Variants in ABCA13 observed in about 807,000 individuals in gnomAD.
ABCA13 encodes the protein ATP-binding cassette sub-family A member 13.
In ABCA13, 476 loss-of-function variants were observed where a neutral mutation model predicts 478.7. That is an observed-to-expected ratio of 0.99 (90% CI 0.92 to 1.07). The LOEUF (loss-of-function observed/expected upper bound fraction) is 1.07, where lower values mean the gene tolerates loss of function less well. Among genes scored for constraint, ABCA13 ranks in the 50% least tolerant of loss-of-function variants. The pLI, the probability that ABCA13 is intolerant of heterozygous loss-of-function variation, is 0.00. For missense variants in ABCA13, 6,060 were observed against 5,910.6 expected, an observed-to-expected ratio of 1.03 and a Z score of -0.83; for synonymous variants, 2,252 against 2,158.9, an observed-to-expected ratio of 1.04 and a Z score of -1.20.
In ABCA13 at chr7:48,352,178, T is replaced by G. The variant is rs1279646629; in HGVS notation, c.10382-3T>G. 1 of 1,601,050 alleles carries G rather than the reference T, an allele frequency of 6.2e-7. No homozygotes were observed. The highest frequency in any genetic ancestry group is 8.5e-7 in the Non-Finnish European group (1 of 1,170,544). Reference sequence around the variant, plus strand: ...TGCTTCGTTTTTCCTTTTCTGCCACTAGGTATCATTTTCAGCAATTCCTTA... The same window carrying G: ...TGCTTCGTTTTTCCTTTTCTGCCACGAGGTATCATTTTCAGCAATTCCTTA... On this transcript the variant is annotated splice_region_variant and splice_polypyrimidine_tract_variant and intron_variant, in intron 30 of 61. Coordinates refer to ENST00000435803, the MANE Select transcript of ABCA13 (RefSeq NM_152701.5).
At chr7:48,218,419 C>G (rs1786815819) in intron 3 of ABCA13, among the ~76,000 whole-genome samples, 1 of 152,174 alleles carries the variant, frequency 6.6e-6, no homozygotes, top group African/African-American at 2.4e-5. Context: ...CATGGTGGTT[C>G]ATGCCTGTAA....
intron 23 of ABCA13, among the ~76,000 whole-genome samples, chr7:48,300,863 A>T (rs1283820864): frequency 6.6e-6 from 1 of 152,130 alleles, no homozygotes; most frequent in Non-Finnish European, 1.5e-5. Context: ...CATCCTGTCC[A>T]CCTGCCCTGT....
At chr7:48,367,937 A>C (rs944737798) in intron 32 of ABCA13, 29 bp downstream of exon 32, 2 of 1,518,980 alleles carry the variant, frequency 1.3e-6, no homozygotes. Context: ...TGCCTGGGAG[A>C]CAAAGATAGG....
In ABCA13 at chr7:48,580,302, G is replaced by A. The variant is rs759996749; in HGVS notation, c.14433G>A (p.Glu4811=). The change falls in exon 56 of 62, where the codon GAG becomes GAA. Residue 4811 remains glutamate (E), a synonymous_variant. Coordinates refer to ENST00000435803, the MANE Select transcript of ABCA13 (RefSeq NM_152701.5). The part of the protein sequence containing the change: ...GYCPQQDALD[E]LLTGWEHLYY... Reference sequence around the variant, plus strand: ...GTCCCCAGCAGGATGCCCTGGACGAGCTTCTGACTGGTTGGGAACATCTCT... The same window carrying A: ...GTCCCCAGCAGGATGCCCTGGACGAACTTCTGACTGGTTGGGAACATCTCT... 1.1e-5 allele frequency: 17 copies of A among 1,612,920 alleles called. No homozygotes were observed. The highest frequency in any genetic ancestry group is 1.4e-5 in the Non-Finnish European group (17 of 1,179,476).
At chr7:48,237,613 C>T (rs916334711) in intron 8 of ABCA13, among the ~76,000 whole-genome samples, 10 of 152,188 alleles carry the variant, frequency 6.6e-5, no homozygotes, top group Admixed American at 6.5e-4. Flanking sequence ...GAGCCTAGGC[C>T]CTCCCTGGGG....
At position 48,594,756 on chromosome 7, in the gene ABCA13, G is replaced by C; in HGVS notation, c.14687G>C (p.Trp4896Ser). The C allele has an allele frequency of 6.2e-7, 1 of 1,613,940 alleles. No homozygotes were observed. Among genetic ancestry groups the C allele is most frequent in the Non-Finnish European group, 8.5e-7 (1 of 1,179,836 alleles). The change falls in exon 58 of 62, where the codon TGG becomes TCG. Residue 4896 changes from tryptophan to serine, a missense_variant. Physicochemically the swap from Trp to Ser is radical, Grantham distance 177. This residue lies in a region of ABCA13 where 1,627 missense variants were observed against 1,571.0 expected (regional missense o/e 1.04). Transcript: ENST00000435803. The stretch of plus-strand genomic sequence containing the variant: ...GATCCCTGCTCTAAGCGGTACCTGT[G>C]GCAAACAATAATGAAGGAGGTTCGG... ...GMDPCSKRYLWQTIMKEVREG... is the reference protein window; with the variant it reads ...GMDPCSKRYLSQTIMKEVREG...
chr7:48,314,248 A>G lies in ABCA13; in HGVS notation c.9698A>G (p.Gln3233Arg), dbSNP rs571185108. ...LDFQQVSQNV[Q>R]ARSSAFGSFQ... ...TTTTCTCAGGTTTCACAAAATGTCCAGGCCAGAAGTTCAGCTTTTGGTTCT... is the reference window on the plus strand; with the variant it reads ...TTTTCTCAGGTTTCACAAAATGTCCGGGCCAGAAGTTCAGCTTTTGGTTCT... Residue 3233 changes from glutamine (Q) to arginine (R), a missense_variant, in exon 26 of 62, where the codon CAG becomes CGG. By Grantham distance (43) the Gln-to-Arg change is conservative (BLOSUM62 1). This residue lies in a region of ABCA13 where 4,423 missense variants were observed against 4,309.1 expected (regional missense o/e 1.03). Coordinates refer to ENST00000435803, the MANE Select transcript of ABCA13 (RefSeq NM_152701.5). 6.2e-7 allele frequency: 1 copy of G among 1,611,592 alleles called. No individual in the cohort carries two copies. The highest frequency in any genetic ancestry group is 8.5e-7 in the Non-Finnish European group (1 of 1,179,432).
chr7:48,354,764 T>C (rs1249706207), intron 31 of ABCA13, among the ~76,000 whole-genome samples: 1 of 152,048 alleles, frequency 6.6e-6, no homozygotes, highest in African/African-American at 2.4e-5. Flanking sequence ...CTTTTATCTC[T>C]TGTTTCGAAG....
At chr7:48,334,568 C>T (rs1464947024) in intron 27 of ABCA13, among the ~76,000 whole-genome samples, 2 of 152,192 alleles carry the variant, frequency 1.3e-5, no homozygotes, top group African/African-American at 2.4e-5. Context: ...ATCTCCTGAC[C>T]TCATGAGCCA....
intron 11 of ABCA13, 96 bp from the exon 12 acceptor site, chr7:48,245,416 C>A: frequency 2.2e-6 from 2 of 923,408 alleles, no homozygotes; most frequent in Non-Finnish European, 1.6e-6. Flanking sequence ...TTAAAAAATC[C>A]ATGTTTTCAG....
At chr7:48,607,880 CTTATTTTTTATTT>C (rs1192402665) in intron 58 of ABCA13, among the ~76,000 whole-genome samples, 1 of 152,074 alleles carries the variant, frequency 6.6e-6, no homozygotes, top group Non-Finnish European at 1.5e-5. Context: ...TACTCATTTT[CTTATTTTTTATTT>C]TTATTTTTGG....
At chr7:48,598,417 T>TA (rs1790521906) in intron 58 of ABCA13, among the ~76,000 whole-genome samples, 1 of 152,198 alleles carries the variant, frequency 6.6e-6, no homozygotes, top group Non-Finnish European at 1.5e-5. Context: ...TGTGTGAACA[T>TA]ATTTTCAACT....
intron 48 of ABCA13, among the ~76,000 whole-genome samples, chr7:48,504,435 G>A (rs1053202352): frequency 3.3e-5 from 5 of 152,068 alleles, no homozygotes; most frequent in African/African-American, 9.7e-5. Flanking sequence ...AACAGGACTC[G>A]GTAACTTCTT....
chr7:48,304,886 G>T (rs1418223390), intron 23 of ABCA13, among the ~76,000 whole-genome samples: 1 of 152,194 alleles, frequency 6.6e-6, no homozygotes, highest in Non-Finnish European at 1.5e-5. Context: ...GATCTCCTAG[G>T]CATCCTGTTT....
intron 56 of ABCA13, among the ~76,000 whole-genome samples, chr7:48,585,692 C>T (rs1196541800): frequency 1.3e-5 from 2 of 152,102 alleles, no homozygotes; most frequent in Admixed American, 6.6e-5. Context: ...TTGGGATGCA[C>T]AATTATTAAC....
rs765027384 is a variant in ABCA13 at position 48,389,122 on chromosome 7, G to T, written c.11556G>T (p.Glu3852Asp). 1 of 1,613,918 alleles carries T rather than the reference G, an allele frequency of 6.2e-7. No individual in the cohort carries two copies. The highest frequency in any genetic ancestry group is 8.5e-7 in the Non-Finnish European group (1 of 1,179,850). ...VTLVSVTKEY[E>D]GHKAVVQDLS... ...TGGTGTCTGTGACCAAGGAATATGA[G>T]GGCCACAAGGCTGTGGTCCAAGACC... is the stretch of plus-strand genomic sequence containing the variant. The change falls in exon 37 of 62, where the codon GAG becomes GAT. Residue 3852 changes from glutamate (E) to aspartate (D), a missense_variant. Glu to Asp is a conservative substitution (Grantham distance 45). This residue lies in a region of ABCA13 where 1,627 missense variants were observed against 1,571.0 expected (regional missense o/e 1.04). Transcript: ENST00000435803.
intron 15 of ABCA13, among the ~76,000 whole-genome samples, chr7:48,254,557 A>T (rs1793099414): frequency 6.6e-6 from 1 of 152,224 alleles, no homozygotes; most frequent in Non-Finnish European, 1.5e-5. Flanking sequence ...TCTTTTTATT[A>T]AATGCATTTC....
chr7:48,521,729 G>T (rs1832557842), intron 53 of ABCA13, among the ~76,000 whole-genome samples: 2 of 152,076 alleles, frequency 1.3e-5, no homozygotes, highest in Non-Finnish European at 2.9e-5. Context: ...ACTTTCTAGA[G>T]TTGTAAGTAT....
rs757980942 is a variant in ABCA13 at position 48,295,768 on chromosome 7, C to A, written c.9024C>A (p.Ser3008Arg). 1.4e-5 allele frequency: 22 copies of A among 1,613,912 alleles called. 1 individual carries two copies. In the East Asian group the frequency reaches 2.9e-4, roughly 21 times the overall value. The change falls in exon 21 of 62, where the codon AGC becomes AGA. Residue 3008 changes from serine to arginine, a missense_variant. Coordinates refer to ENST00000435803, the MANE Select transcript of ABCA13 (RefSeq NM_152701.5). Reference sequence around the variant, plus strand: ...AAAGTCTTAGCAAGAATCTTTCTAGCACCTTGGAGAGCTTCAAGAGCAGCT... The same window carrying A: ...AAAGTCTTAGCAAGAATCTTTCTAGAACCTTGGAGAGCTTCAAGAGCAGCT... ...NCESLSKNLSSTLESFKSSLE... is the reference protein window; with the variant it reads ...NCESLSKNLSRTLESFKSSLE...
Sources: gnomAD v4.1 joint callset for allele counts (sites outside exome capture counted in the v4.1 genomes callset) on GRCh38, gnomAD v4.1.1 for gene constraint, gnomAD v4.1.1 regional missense constraint, MANE v1.5 for transcripts, NCBI Gene and HGNC (gene_info 2026-07-23, HGNC 2026-07-21) for gene names.